Variants in CCDC91 observed in about 807,000 individuals in gnomAD.
CCDC91 encodes coiled-coil domain-containing protein 91.
In CCDC91, 48 loss-of-function variants were observed where a neutral mutation model predicts 63.2. That is an observed-to-expected ratio of 0.76 (90% CI 0.60 to 0.97). The LOEUF (loss-of-function observed/expected upper bound fraction) is 0.97, where lower values mean the gene tolerates loss of function less well. CCDC91 is among the 50% of genes least tolerant of loss of function. CCDC91 has a pLI of 0.00. For synonymous variants in CCDC91, 167 were observed against 165.8 expected, an observed-to-expected ratio of 1.01 and a Z score of -0.06; for missense variants, 500 against 494.6, an observed-to-expected ratio of 1.01 and a Z score of -0.10.
chr12:28,264,856 A>G (rs778759255), intron 3 of CCDC91, among the ~76,000 whole-genome samples: 9 of 151,898 alleles, frequency 5.9e-5, no homozygotes, highest in African/African-American at 9.7e-5. Flanking sequence ...TCACTCACTT[A>G]GCATATATTT....
intron 7 of CCDC91, among the ~76,000 whole-genome samples, chr12:28,385,021 A>G (rs1945514461): frequency 1.3e-5 from 2 of 149,068 alleles, no homozygotes; most frequent in African/African-American, 5.2e-5. Context: ...CTTGTACCAG[A>G]AAAAAAACAT....
intron 8 of CCDC91, among the ~76,000 whole-genome samples, chr12:28,448,055 C>A (rs1949622461): frequency 6.6e-6 from 1 of 152,056 alleles, no homozygotes; most frequent in Non-Finnish European, 1.5e-5. Context: ...CATTATGTAG[C>A]TTTTAATTAC....
intron 12 of CCDC91, among the ~76,000 whole-genome samples, chr12:28,533,554 G>A (rs1315023641): frequency 6.6e-6 from 1 of 151,952 alleles, no homozygotes; most frequent in African/African-American, 2.4e-5. Context: ...CTATAGTTGA[G>A]ATGTTGTGAC....
chr12:28,443,629 G>T (rs199890626), intron 8 of CCDC91, among the ~76,000 whole-genome samples: 8 of 140,362 alleles, frequency 5.7e-5, no homozygotes, highest in African/African-American at 2.0e-4. Flanking sequence ...AACCTAATAT[G>T]ATGAAAAAAA....
chr12:28,489,827 T>C (rs1449862647), intron 12 of CCDC91, among the ~76,000 whole-genome samples: 1 of 151,854 alleles, frequency 6.6e-6, no homozygotes. Flanking sequence ...AAGATAATAT[T>C]TAGACAAAAT....
intron 1 of CCDC91, among the ~76,000 whole-genome samples, chr12:28,210,063 C>T (rs753000326): frequency 4.6e-5 from 7 of 152,122 alleles, no homozygotes; most frequent in Non-Finnish European, 8.8e-5. Context: ...AACAACCAGT[C>T]ATTTTTTACT....
At chr12:28,250,152 G>T (rs1946024007) in intron 1 of CCDC91, among the ~76,000 whole-genome samples, 1 of 152,066 alleles carries the variant, frequency 6.6e-6, no homozygotes, top group Non-Finnish European at 1.5e-5. Context: ...GTAGATATAA[G>T]GGTTTGGAGA....
At chr12:28,279,467 T>G (rs1405448397) in intron 3 of CCDC91, among the ~76,000 whole-genome samples, 1 of 152,044 alleles carries the variant, frequency 6.6e-6, no homozygotes, top group Non-Finnish European at 1.5e-5. Context: ...TGGCCTAGAT[T>G]TTGATGCACA....
intron 1 of CCDC91, chr12:28,236,850 A>G (rs552526972): frequency 7.2e-5 from 11 of 152,268 alleles, no homozygotes; most frequent in South Asian, 2.1e-4. Context: ...TTATTTTTCA[A>G]TAGTTTAAAA....
intron 1 of CCDC91, among the ~76,000 whole-genome samples, chr12:28,220,607 A>G (rs1943873298): frequency 6.6e-6 from 1 of 151,472 alleles, no homozygotes; most frequent in South Asian, 2.1e-4. Flanking sequence ...TTTCCTCAAT[A>G]TTTCTTTTAG....
intron 3 of CCDC91, among the ~76,000 whole-genome samples, chr12:28,303,373 C>T (rs1938290936): frequency 6.6e-6 from 1 of 151,946 alleles, no homozygotes; most frequent in Non-Finnish European, 1.5e-5. Flanking sequence ...TCATCTCTTT[C>T]TTTTTCTCTT....
intron 7 of CCDC91, among the ~76,000 whole-genome samples, 158 bp downstream of exon 7, chr12:28,362,673 C>T (rs558915069): frequency 2.0e-5 from 3 of 152,132 alleles, no homozygotes; most frequent in Non-Finnish European, 4.4e-5. Flanking sequence ...TGAAAGCATA[C>T]TCAGTGGATT....
At chr12:28,227,418 T>C (rs912079623) in intron 1 of CCDC91, among the ~76,000 whole-genome samples, 1 of 152,132 alleles carries the variant, frequency 6.6e-6, no homozygotes, top group Non-Finnish European at 1.5e-5. Flanking sequence ...AATATGTTTA[T>C]CCTAGCGATT....
chr12:28,283,899 T>A (rs998839748), intron 3 of CCDC91, among the ~76,000 whole-genome samples: 3 of 152,106 alleles, frequency 2.0e-5, no homozygotes, highest in African/African-American at 7.2e-5. Context: ...GGGTTTTGGA[T>A]TAGGGATGCA....
intron 12 of CCDC91, among the ~76,000 whole-genome samples, chr12:28,502,075 C>A (rs535428118): frequency 1.3e-5 from 2 of 151,612 alleles, no homozygotes; most frequent in South Asian, 4.2e-4. Flanking sequence ...TTTTTTATTG[C>A]GTCTATTTGA....
At chr12:28,499,811 G>T (rs942773704) in intron 12 of CCDC91, among the ~76,000 whole-genome samples, 1 of 152,118 alleles carries the variant, frequency 6.6e-6, no homozygotes, top group South Asian at 2.1e-4. Flanking sequence ...ACATATGTGT[G>T]CATGTGTCTT....
intron 8 of CCDC91, among the ~76,000 whole-genome samples, chr12:28,427,437 G>T (rs1948383735): frequency 6.6e-6 from 1 of 152,006 alleles, no homozygotes; most frequent in Non-Finnish European, 1.5e-5. Context: ...GATACTGATG[G>T]GATTCCTGGA....
chr12:28,439,726 C>CT (rs1949085856), intron 8 of CCDC91, among the ~76,000 whole-genome samples: 9 of 129,692 alleles, frequency 6.9e-5, no homozygotes, highest in East Asian at 2.1e-4. Context: ...TTTTTTCTTT[C>CT]TTTTTTCTTT....
chr12:28,330,182 A>T (rs1355037088), intron 6 of CCDC91, among the ~76,000 whole-genome samples: 2 of 152,150 alleles, frequency 1.3e-5, no homozygotes, highest in Non-Finnish European at 2.9e-5. Context: ...ATCCTTAAGG[A>T]ATCGCCACAC....
Sources: allele counts gnomAD v4.1 joint callset (sites outside exome capture counted in the v4.1 genomes callset), GRCh38; gene constraint gnomAD v4.1.1; transcripts MANE v1.5; gene names NCBI Gene and HGNC (gene_info 2026-07-23, HGNC 2026-07-21).